Variants in RANBP17 observed in about 807,000 individuals in gnomAD.
RANBP17 encodes the protein ran-binding protein 17.
Under a neutral mutation model 141.2 loss-of-function variants are expected in RANBP17, and 158 were observed. The ratio of observed to expected loss-of-function variants is 1.12; its 90% CI spans 0.98 to 1.28. RANBP17 has a LOEUF of 1.28. Ranked by LOEUF, RANBP17 falls within the 50% of genes most tolerant of loss-of-function variation. The pLI is 0.00. For missense variants in RANBP17, 1,438 were observed against 1,290.7 expected (o/e 1.11, Z -1.75); for synonymous variants, 430 against 450.0 (o/e 0.96, Z 0.56).
Position 171,211,269 on chromosome 5 carries a change from C to CT in RANBP17, c.2232-2352dup, listed in dbSNP as rs796444584. On this transcript the variant is annotated intron_variant, in intron 20 of 27. Transcript: ENST00000523189. ...CCCTGCCTTATTTTCCTTTGTAGTA[C>CT]TTTTTTTTTTGAGACAGAGTCTCAC... 3.3e-3 allele frequency among the ~76,000 whole-genome samples: 494 copies of CT among 149,072 alleles called. 2 individuals are homozygous for CT. The highest frequency in any genetic ancestry group is 6.8e-3 in the Middle Eastern group (2 of 292).
At chr5:171,251,082 C>T (rs990653047) in intron 24 of RANBP17, among the ~76,000 whole-genome samples, 2 of 152,178 alleles carry the variant, frequency 1.3e-5, no homozygotes, top group Non-Finnish European at 2.9e-5. Context: ...AGCCACAAAA[C>T]AGGTCTCAAC....
chr5:171,267,028 T>TTTC (rs199525728), intron 25 of RANBP17, among the ~76,000 whole-genome samples: 2,356 of 102,868 alleles, frequency 0.023, 38 homozygotes, highest in African/African-American at 0.056. Context: ...TTTCTTTTCT[T>TTTC]TTTTTTTTTT....
intron 14 of RANBP17, among the ~76,000 whole-genome samples, chr5:171,002,360 TAGCTA>T (rs1411176663): frequency 2.0e-5 from 3 of 152,136 alleles, no homozygotes; most frequent in Admixed American, 6.5e-5. Flanking sequence ...GCTGCTTCTT[TAGCTA>T]CCTTATCAGC....
chr5:171,253,121 T>C, intron 24 of RANBP17: 1 of 609,318 alleles, frequency 1.6e-6, no homozygotes, highest in Non-Finnish European at 2.9e-6. Context: ...TTGCACACGA[T>C]AAAGCAAAGA....
At chr5:171,068,723 A>T (rs1336248032) in intron 14 of RANBP17, among the ~76,000 whole-genome samples, 1 of 152,058 alleles carries the variant, frequency 6.6e-6, no homozygotes, top group Non-Finnish European at 1.5e-5. Flanking sequence ...AGTAGCTGGG[A>T]TTACAGGCAT....
Position 171,251,771 on chromosome 5 carries a change from G to A in RANBP17, c.2776+8951G>A, listed in dbSNP as rs111234365. On this transcript the variant is annotated intron_variant, in intron 24 of 27. Coordinates refer to ENST00000523189, the MANE Select transcript of RANBP17 (RefSeq NM_022897.5). ...GCCCCGTTCCCCTCCTCCCGCGCCC[G>A]CCCCCGCCTCTGTGATTGGGTGGAA... The A allele has an allele frequency of 7.4e-3, 7,249 of 977,578 alleles. 157 individuals carry two copies. Among genetic ancestry groups the A allele is most frequent in the African/African-American group, 0.057 (3,552 of 62,670 alleles). 60.6% of individuals were successfully genotyped at this position (977,578 alleles called of 1,614,324 possible).
intron 5 of RANBP17, among the ~76,000 whole-genome samples, chr5:170,908,153 C>T (rs1271175354): frequency 6.6e-6 from 1 of 151,798 alleles, no homozygotes; most frequent in Non-Finnish European, 1.5e-5. Flanking sequence ...ACTATTCAAC[C>T]CAGCAATCCT....
chr5:171,050,698 A>G (rs1459880283), intron 14 of RANBP17, among the ~76,000 whole-genome samples: 1 of 152,094 alleles, frequency 6.6e-6, no homozygotes, highest in Non-Finnish European at 1.5e-5. Context: ...TAAAAAAAAA[A>G]TGTAAGAAGA....
At chr5:171,152,875 A>G (rs1758593383) in intron 14 of RANBP17, among the ~76,000 whole-genome samples, 1 of 152,230 alleles carries the variant, frequency 6.6e-6, no homozygotes, top group Non-Finnish European at 1.5e-5. Context: ...CATTAACCTC[A>G]TTTCTATAGT....
intron 18 of RANBP17, among the ~76,000 whole-genome samples, chr5:171,186,104 G>T (rs1303516092): frequency 6.6e-6 from 1 of 152,110 alleles, no homozygotes; most frequent in African/African-American, 2.4e-5. Flanking sequence ...ATGGGCACTG[G>T]CATCAACTTC....
chr5:171,072,865 G>C (rs1193804511), intron 14 of RANBP17, among the ~76,000 whole-genome samples: 2 of 152,172 alleles, frequency 1.3e-5, no homozygotes, highest in African/African-American at 4.8e-5. Context: ...AAGTGGTACA[G>C]TGGAATACTA....
intron 6 of RANBP17, chr5:170,910,716 C>T (rs1048371218): frequency 2.5e-6 from 1 of 395,716 alleles, no homozygotes; most frequent in South Asian, 3.5e-5. Context: ...GATTGTTCTC[C>T]AGAAGCTTTG....
At chr5:170,905,591 G>A (rs562735301) in intron 5 of RANBP17, among the ~76,000 whole-genome samples, 2 of 152,180 alleles carry the variant, frequency 1.3e-5, no homozygotes, top group Admixed American at 1.3e-4. Flanking sequence ...CCACCCCAGA[G>A]TATATGCTGT....
intron 14 of RANBP17, chr5:171,028,924 T>G (rs1304390397): frequency 7.8e-7 from 1 of 1,288,766 alleles, no homozygotes; most frequent in Non-Finnish European, 1.0e-6. Flanking sequence ...CAACTCGGGT[T>G]TCTTCTTCCT....
chr5:171,054,204 G>T (rs1318259801), intron 14 of RANBP17, among the ~76,000 whole-genome samples: 3 of 151,952 alleles, frequency 2.0e-5, no homozygotes, highest in Admixed American at 6.6e-5. Context: ...GTTTTCGGGG[G>T]TTTTTTGTTC....
intron 20 of RANBP17, chr5:171,206,273 A>T (rs1762575586): frequency 6.3e-6 from 1 of 158,270 alleles, no homozygotes; most frequent in African/African-American, 2.4e-5. Flanking sequence ...TTGGCAAGTC[A>T]TTTCACCTGT....
chr5:171,159,816 G>A (rs1324330059), intron 14 of RANBP17, among the ~76,000 whole-genome samples: 1 of 151,342 alleles, frequency 6.6e-6, no homozygotes, highest in African/African-American at 2.4e-5. Flanking sequence ...CCAGCTACTC[G>A]GGAGGCTGAG....
In RANBP17 at chr5:170,924,544, C is replaced by A; in HGVS notation, c.1462C>A (p.Gln488Lys). Residue 488 changes from glutamine (Q) to lysine (K), a missense_variant, in exon 12 of 28, where the codon CAG becomes AAG. Gln to Lys is a moderately conservative substitution (Grantham distance 53). Coordinates refer to ENST00000523189, the MANE Select transcript of RANBP17 (RefSeq NM_022897.5). ...YSGVTVDITI[Q>K]EGRLAWLVYL... ...TGGTGTAACTGTGGACATCACCATT[C>A]AGGAAGGTCAGTAAACTTTATATGA... 6.3e-7 allele frequency: 1 copy of A among 1,591,402 alleles called. No homozygotes were observed. The highest frequency in any genetic ancestry group is 8.6e-7 in the Non-Finnish European group (1 of 1,161,984).
intron 11 of RANBP17, among the ~76,000 whole-genome samples, chr5:170,922,402 C>T (rs1251485040): frequency 1.3e-5 from 2 of 152,208 alleles, no homozygotes; most frequent in Admixed American, 1.3e-4. Context: ...CAGAAGCTGT[C>T]TGCTGCCTTT....
Sources: gnomAD v4.1 joint callset for allele counts (sites outside exome capture counted in the v4.1 genomes callset) on GRCh38, gnomAD v4.1.1 for gene constraint, MANE v1.5 for transcripts, NCBI Gene and HGNC (gene_info 2026-07-23, HGNC 2026-07-21) for gene names.